Variants in CLCNKB observed in about 807,000 individuals in gnomAD.
CLCNKB encodes the protein chloride voltage-gated channel Kb, also known as chloride channel protein ClC-Kb.
A neutral mutation model predicts 83.8 loss-of-function variants in CLCNKB; 74 were observed. The ratio of observed to expected loss-of-function variants is 0.88; its 90% CI spans 0.73 to 1.07. The LOEUF (loss-of-function observed/expected upper bound fraction) is 1.07, where lower values mean the gene tolerates loss of function less well. CLCNKB is among the 50% of genes least tolerant of loss of function. The probability of loss-of-function intolerance (pLI) is 0.00; values close to 1 mark genes in which losing one functional copy is unlikely to be tolerated. For missense variants in CLCNKB, 798 were observed against 893.6 expected, an observed-to-expected ratio of 0.89 and a Z score of 1.36; for synonymous variants, 358 against 356.6, an observed-to-expected ratio of 1.00 and a Z score of -0.04.
intron 14 of CLCNKB, 87 bp from the exon 15 acceptor site, chr1:16,052,111 T>C (rs1463011624): frequency 7.8e-6 from 12 of 1,530,444 alleles, no homozygotes; most frequent in Admixed American, 1.7e-5. Context: ...AATCACACCT[T>C]AGCCCCTGGT....
intron 2 of CLCNKB, 112 bp from the exon 3 acceptor site, chr1:16,045,446 A>G (rs1465937773): frequency 7.5e-7 from 1 of 1,331,522 alleles, no homozygotes; most frequent in Non-Finnish European, 1.1e-6. Context: ...TATACCACCA[A>G]GCTCCATCCC....
At position 16,049,284 on chromosome 1, in the gene CLCNKB, G is replaced by T. The variant is rs373281366; in HGVS notation, c.781+39G>T. 3 of 1,609,944 alleles carry T rather than the reference G, an allele frequency of 1.9e-6. No individual in the cohort carries two copies. The African/African-American group carries it at 4.0e-5, about 22-fold the overall frequency. On this transcript the variant is annotated intron_variant, in intron 8 of 19. Transcript: ENST00000375679. The stretch of plus-strand genomic sequence containing the variant: ...GCTGCCTGACCCTGGCCCTGCCTGG[G>T]GGCCGGGGCGAGGGGGCCCTCCCTT...
Position 16,051,465 on chromosome 1 carries a change from C to T in CLCNKB, c.1228-13C>T, listed in dbSNP as rs772211559. 3 of 1,614,094 alleles carry T rather than the reference C, an allele frequency of 1.9e-6. No homozygotes were observed. Among genetic ancestry groups the T allele is most frequent in the Non-Finnish European group, 2.5e-6 (3 of 1,179,966 alleles). ...AGCCTCTAACCTCTGCCCTGGGCTCCCCACTCCCACAGTTCTGGATGCTGA... is the reference window on the plus strand; with the variant it reads ...AGCCTCTAACCTCTGCCCTGGGCTCTCCACTCCCACAGTTCTGGATGCTGA... On this transcript the variant is annotated splice_polypyrimidine_tract_variant and intron_variant, in intron 12 of 19. Transcript: ENST00000375679.
intron 16 of CLCNKB, among the ~76,000 whole-genome samples, chr1:16,055,168 G>A (rs1487540515): frequency 4.6e-5 from 7 of 152,116 alleles, no homozygotes; most frequent in Admixed American, 3.3e-4. Context: ...GCAATGTGGG[G>A]GATCTCAGTG....
chr1:16,044,383 A>ACATGCAC, intron 1 of CLCNKB, 103 bp from the exon 2 acceptor site: 1 of 851,892 alleles, frequency 1.2e-6, no homozygotes, highest in Non-Finnish European at 1.9e-6. Flanking sequence ...ACACACGCAC[A>ACATGCAC]ATCTTTCCTC....
intron 15 of CLCNKB, among the ~76,000 whole-genome samples, chr1:16,053,057 A>G (rs1479585301): frequency 2.6e-5 from 4 of 151,360 alleles, no homozygotes; most frequent in Admixed American, 6.6e-5. Flanking sequence ...TTGAGATGGA[A>G]TCTCACTCTG....
chr1:16,050,784 G>A (rs2023262273), intron 11 of CLCNKB, 91 bp from the exon 12 acceptor site: 1 of 1,590,112 alleles, frequency 6.3e-7, no homozygotes, highest in East Asian at 2.3e-5. Flanking sequence ...AGTGGCAGAG[G>A]AGGATTCCAG....
intron 7 of CLCNKB, 39 bp from the exon 8 acceptor site, chr1:16,049,081 G>T: frequency 6.2e-7 from 1 of 1,613,384 alleles, no homozygotes; most frequent in Admixed American, 1.7e-5. Context: ...ACAGGTGGGT[G>T]GGGGTGGAGG....
At position 16,046,673 on chromosome 1, in the gene CLCNKB, C is replaced by T. The variant is rs751072753; in HGVS notation, c.358+10C>T. 8.7e-6 allele frequency: 14 copies of T among 1,611,548 alleles called. No homozygotes were observed. The highest frequency in any genetic ancestry group is 3.3e-4 in the Middle Eastern group (2 of 6,082). ...ACACCCTCCTCTGGAGGTGAGTCCA[C>T]AGTCGCTACGCCAGTCCCCACTGGC... On this transcript the variant is annotated intron_variant, in intron 4 of 19. Transcript: ENST00000375679.
rs41269169 is a variant in CLCNKB at position 16,051,836 on chromosome 1, G to A, written c.1408+16G>A. 1 of 1,594,712 alleles carries A rather than the reference G, an allele frequency of 6.3e-7. No homozygotes were observed. Among genetic ancestry groups the A allele is most frequent in the South Asian group, 1.1e-5 (1 of 90,680 alleles). ...GCTCTGGCAGGTGAGTGGGTCAGGG[G>A]CCTGCTGCGTGGGCAATGTCGTGCG... On this transcript the variant is annotated intron_variant, in intron 14 of 19. Transcript: ENST00000375679.
chr1:16,050,337 C>T (rs535857924), intron 10 of CLCNKB, among the ~76,000 whole-genome samples, 179 bp from the exon 11 acceptor site: 3 of 152,274 alleles, frequency 2.0e-5, no homozygotes, highest in African/African-American at 7.2e-5. Context: ...AGCCTCTACC[C>T]CTAAAAATAC....
rs1470738184 is a variant in CLCNKB, at chr1:16,057,016, C to T, written c.*100C>T. On this transcript the variant is annotated 3_prime_UTR_variant, in exon 20 of 20. Coordinates refer to ENST00000375679, the MANE Select transcript of CLCNKB (RefSeq NM_000085.5). ...CCCCCATCACCACCTGCCCCTCCCT[C>T]CAGCCCAGCTCCATTCTTTGGCATA... 22 of 1,095,264 alleles carry T rather than the reference C, an allele frequency of 2.0e-5. No homozygotes were observed. Among genetic ancestry groups the T allele is most frequent in the African/African-American group, 3.1e-5 (2 of 65,542 alleles). 67.8% of individuals were successfully genotyped at this position (1,095,264 alleles called of 1,614,324 possible). A position where few individuals can be genotyped will look rare whatever the true frequency, so the allele number is the denominator to read the frequency against.
intron 1 of CLCNKB, 102 bp from the exon 2 acceptor site, chr1:16,044,384 A>G (rs1170726054): frequency 4.3e-5 from 29 of 681,932 alleles, no homozygotes; most frequent in Admixed American, 2.2e-4. Flanking sequence ...CACACGCACA[A>G]TCTTTCCTCT....
intron 4 of CLCNKB, among the ~76,000 whole-genome samples, chr1:16,047,022 T>G (rs945400): frequency 0.02 from 3,110 of 152,272 alleles, 112 homozygotes; most frequent in African/African-American, 0.07. Flanking sequence ...CACTCAGTGG[T>G]GGCCTGAGAT....
rs34476179 is a variant in CLCNKB at position 16,044,459 on chromosome 1, G to A, written c.-7-27G>A. On this transcript the variant is annotated intron_variant, in intron 1 of 19. Coordinates refer to ENST00000375679, the MANE Select transcript of CLCNKB (RefSeq NM_000085.5). ...GCGAGGACGTGCAGCAGCTCACCGCGGTCCCTCCCTCTATCCGCTTCTCCA... is the reference window on the plus strand; with the variant it reads ...GCGAGGACGTGCAGCAGCTCACCGCAGTCCCTCCCTCTATCCGCTTCTCCA... The A allele has an allele frequency of 2.5e-3, 3,960 of 1,564,424 alleles. 20 individuals are homozygous for A. Among genetic ancestry groups the A allele is most frequent in the Non-Finnish European group, 3.1e-3 (3,553 of 1,150,434 alleles).
At chr1:16,045,508 G>A (rs6604910) in intron 2 of CLCNKB, 50 bp from the exon 3 acceptor site, 1 of 1,606,982 alleles carries the variant, frequency 6.2e-7, no homozygotes, top group South Asian at 1.1e-5. Context: ...GGATGGGACT[G>A]TCTGTGCCTC....
At chr1:16,044,901 G>C (rs535964210) in intron 2 of CLCNKB, among the ~76,000 whole-genome samples, 1 of 152,230 alleles carries the variant, frequency 6.6e-6, no homozygotes, top group African/African-American at 2.4e-5. Context: ...GTGGGGGTTA[G>C]CTGCTGGGAC....
chr1:16,051,581 G>A lies in CLCNKB; in HGVS notation c.1297+34G>A, dbSNP rs762903586. 1.3e-5 allele frequency: 21 copies of A among 1,612,756 alleles called. No homozygotes were observed. The Admixed American group carries it at 1.8e-4, about 14-fold the overall frequency. ...GGGGTCCTGAGGTTCTGAGAGTTTC[G>A]GGGTTCTTGGGGCAGGACCATGGCT... On this transcript the variant is annotated intron_variant, in intron 13 of 19. Coordinates refer to ENST00000375679, the MANE Select transcript of CLCNKB (RefSeq NM_000085.5).
chr1:16,048,101 T>C, intron 5 of CLCNKB, 57 bp downstream of exon 5: 3 of 1,572,158 alleles, frequency 1.9e-6, no homozygotes, highest in Non-Finnish European at 2.6e-6. Context: ...CACCCCAGTC[T>C]CACCCCCATC....
Sources: allele counts gnomAD v4.1 joint callset (sites outside exome capture counted in the v4.1 genomes callset), GRCh38; gene constraint gnomAD v4.1.1; transcripts MANE v1.5; gene names NCBI Gene and HGNC (gene_info 2026-07-23, HGNC 2026-07-21).